The following CA10 variants were observed in gnomAD, a reference collection of about 807,000 sequenced individuals.
CA10 encodes the protein carbonic anhydrase 10 (inactive), also known as carbonic anhydrase-related protein 10.
A neutral mutation model predicts 44.2 loss-of-function variants in CA10; 14 were observed. That is an observed-to-expected ratio of 0.32 (90% CI 0.21 to 0.50). CA10 has a LOEUF of 0.50. CA10 is among the 20% of genes least tolerant of loss of function. The probability of loss-of-function intolerance (pLI) is 0.99; values close to 1 mark genes in which losing one functional copy is unlikely to be tolerated. For missense variants in CA10, 350 were observed against 409.7 expected (o/e 0.85, Z 1.26); for synonymous variants, 159 against 141.6 (o/e 1.12, Z -0.87).
intron 3 of CA10, among the ~76,000 whole-genome samples, chr17:51,837,537 T>C (rs1176693311): frequency 2.0e-5 from 3 of 152,206 alleles, no homozygotes; most frequent in African/African-American, 7.2e-5. Flanking sequence ...TGAAATGACA[T>C]TGGTGGTACA....
At chr17:51,733,273 C>T (rs780837491) in intron 4 of CA10, among the ~76,000 whole-genome samples, 32 of 152,246 alleles carry the variant, frequency 2.1e-4, no homozygotes, top group Non-Finnish European at 3.8e-4. Flanking sequence ...AATTGCCACA[C>T]GCTCCAGGGA....
At chr17:51,993,415 C>G (rs1298812311) in intron 2 of CA10, among the ~76,000 whole-genome samples, 1 of 152,094 alleles carries the variant, frequency 6.6e-6, no homozygotes. Context: ...ATCTGTTCAA[C>G]TGATGCAGCA....
At chr17:52,021,163 T>C (rs1017576780) in intron 2 of CA10, among the ~76,000 whole-genome samples, 2 of 152,118 alleles carry the variant, frequency 1.3e-5, no homozygotes, top group African/African-American at 2.4e-5. Context: ...GAATGGCATT[T>C]TTTAAGAATT....
At chr17:51,879,425 T>C (rs1423999024) in intron 3 of CA10, among the ~76,000 whole-genome samples, 3 of 152,194 alleles carry the variant, frequency 2.0e-5, no homozygotes, top group Non-Finnish European at 4.4e-5. Context: ...GAGATTCTAC[T>C]CTCTATTCTA....
intron 3 of CA10, among the ~76,000 whole-genome samples, chr17:51,766,434 T>G (rs911383201): frequency 3.3e-5 from 5 of 152,082 alleles, no homozygotes; most frequent in African/African-American, 4.8e-5. Context: ...TTGATTCCAG[T>G]GGAGTGGACA....
At chr17:51,884,280 A>G (rs924406775) in intron 3 of CA10, among the ~76,000 whole-genome samples, 16 of 152,162 alleles carry the variant, frequency 1.1e-4, no homozygotes, top group African/African-American at 3.9e-4. Flanking sequence ...TCTAAAACAG[A>G]TGGCCACTTT....
intron 2 of CA10, among the ~76,000 whole-genome samples, chr17:51,989,413 G>T (rs1984961450): frequency 1.3e-5 from 2 of 151,884 alleles, no homozygotes; most frequent in South Asian, 4.1e-4. Context: ...GAGAACATGT[G>T]GTATTTGGTT....
intron 3 of CA10, among the ~76,000 whole-genome samples, chr17:51,810,479 C>T (rs190034300): frequency 1.4e-3 from 206 of 152,040 alleles, no homozygotes; most frequent in Non-Finnish European, 2.3e-3. Flanking sequence ...AGGGCAAGAG[C>T]GAGAGGGCTG....
intron 4 of CA10, among the ~76,000 whole-genome samples, chr17:51,704,168 T>C (rs915990285): frequency 3.9e-5 from 6 of 152,194 alleles, no homozygotes; most frequent in Non-Finnish European, 8.8e-5. Flanking sequence ...CATGCATGCA[T>C]CTATCATTCA....
At chr17:51,751,180 G>A (rs1250731083) in intron 3 of CA10, among the ~76,000 whole-genome samples, 2 of 152,182 alleles carry the variant, frequency 1.3e-5, no homozygotes, top group African/African-American at 4.8e-5. Flanking sequence ...TACTTTAAAT[G>A]TAAATGGATT....
chr17:51,736,688 T>C (rs1916925121), intron 4 of CA10, among the ~76,000 whole-genome samples: 1 of 152,200 alleles, frequency 6.6e-6, no homozygotes, highest in Non-Finnish European at 1.5e-5. Context: ...TATGGTTTCT[T>C]GTGCTTTGCA....
At chr17:51,747,142 T>G (rs1427675974) in intron 4 of CA10, among the ~76,000 whole-genome samples, 1 of 152,214 alleles carries the variant, frequency 6.6e-6, no homozygotes, top group Non-Finnish European at 1.5e-5. Flanking sequence ...CACAGTGACG[T>G]TTCCATTTTG....
intron 2 of CA10, among the ~76,000 whole-genome samples, chr17:51,964,793 C>T (rs1020875247): frequency 1.3e-5 from 2 of 151,850 alleles, no homozygotes; most frequent in African/African-American, 4.8e-5. Flanking sequence ...TAAATCCCTA[C>T]CTCAAAAACT....
intron 1 of CA10, among the ~76,000 whole-genome samples, chr17:52,115,155 T>C (rs985533159): frequency 6.6e-6 from 1 of 152,228 alleles, no homozygotes; most frequent in Non-Finnish European, 1.5e-5. Context: ...TCAGCTCCTG[T>C]GTGGTGGCCT....
chr17:51,669,401 G>T (rs1427973619), intron 4 of CA10, among the ~76,000 whole-genome samples: 1 of 152,182 alleles, frequency 6.6e-6, no homozygotes, highest in South Asian at 2.1e-4. Flanking sequence ...CTGTCAAAAC[G>T]GACCAATCAG....
At chr17:51,901,938 A>G (rs962143334) in intron 3 of CA10, among the ~76,000 whole-genome samples, 1 of 152,194 alleles carries the variant, frequency 6.6e-6, no homozygotes, top group Non-Finnish European at 1.5e-5. Flanking sequence ...AAAGCAAGAC[A>G]GAAAATTTTA....
chr17:51,966,172 T>C (rs1338180495), intron 2 of CA10, among the ~76,000 whole-genome samples: 1 of 151,886 alleles, frequency 6.6e-6, no homozygotes, highest in Admixed American at 6.6e-5. Context: ...GAGAGATCTC[T>C]ACAACAAGAA....
intron 4 of CA10, among the ~76,000 whole-genome samples, chr17:51,685,199 G>T (rs1208046517): frequency 2.0e-5 from 3 of 152,224 alleles, no homozygotes; most frequent in Non-Finnish European, 4.4e-5. Context: ...GAGGCATGCT[G>T]CTGTGAACGG....
At chr17:51,783,089 G>A (rs1020803434) in intron 3 of CA10, among the ~76,000 whole-genome samples, 3 of 152,334 alleles carry the variant, frequency 2.0e-5, no homozygotes, top group Middle Eastern at 3.4e-3. Context: ...TCACCCAGCT[G>A]ACTGTTGTCT....
Sources: gnomAD v4.1 joint callset for allele counts (sites outside exome capture counted in the v4.1 genomes callset) on GRCh38, gnomAD v4.1.1 for gene constraint, MANE v1.5 for transcripts, NCBI Gene and HGNC (gene_info 2026-07-23, HGNC 2026-07-21) for gene names.